The following PRKG1 variants were observed in gnomAD, a reference collection of about 807,000 sequenced individuals.
PRKG1 encodes protein kinase cGMP-dependent 1.
PRKG1 carries 35 observed loss-of-function variants against 88.1 expected under a neutral mutation model. The observed-to-expected ratio is 0.40, with a 90% CI of 0.30 to 0.53. The LOEUF (loss-of-function observed/expected upper bound fraction) is 0.53. PRKG1 is among the 20% of genes least tolerant of loss of function. The pLI is 0.59. For synonymous variants in PRKG1, 303 were observed against 292.5 expected, an observed-to-expected ratio of 1.04 and a Z score of -0.37; for missense variants, 540 against 839.8, an observed-to-expected ratio of 0.64 and a Z score of 4.41.
chr10:51,249,710 A>G (rs10996323), intron 2 of PRKG1, among the ~76,000 whole-genome samples: 13,846 of 151,830 alleles, frequency 0.091, 767 homozygotes, highest in Middle Eastern at 0.15. Context: ...AACAAAGGAC[A>G]CTATACAATT....
intron 3 of PRKG1, among the ~76,000 whole-genome samples, chr10:51,666,652 T>G (rs747476537): frequency 6.6e-6 from 1 of 152,208 alleles, no homozygotes; most frequent in Non-Finnish European, 1.5e-5. Context: ...CTTCATATCA[T>G]AAATCCACCC....
At chr10:51,749,044 A>C (rs1589255313) in intron 3 of PRKG1, among the ~76,000 whole-genome samples, 1 of 152,350 alleles carries the variant, frequency 6.6e-6, no homozygotes, top group East Asian at 1.9e-4. Flanking sequence ...AATAAGCTTT[A>C]ATGAACTTGC....
At chr10:52,280,710 T>C in intron 12 of PRKG1, 79 bp from the exon 13 acceptor site, 1 of 1,489,710 alleles carries the variant, frequency 6.7e-7, no homozygotes, top group African/African-American at 1.4e-5. Flanking sequence ...AGGAATATAG[T>C]GAAATGAGAA....
intron 8 of PRKG1, among the ~76,000 whole-genome samples, chr10:52,156,299 C>T (rs72803147): frequency 3.3e-5 from 5 of 151,994 alleles, no homozygotes; most frequent in Middle Eastern, 6.8e-3. Flanking sequence ...TTTTTATGCA[C>T]GCTATAGCCT....
chr10:52,193,554 A>C (rs1839422966), intron 9 of PRKG1, among the ~76,000 whole-genome samples: 1 of 27,082 alleles, frequency 3.7e-5, no homozygotes, highest in Non-Finnish European at 1.1e-4. Flanking sequence ...GTCTCAAAAA[A>C]AAAAAAAACA....
chr10:51,344,165 TG>T (rs1277948009), intron 2 of PRKG1, among the ~76,000 whole-genome samples: 1 of 152,114 alleles, frequency 6.6e-6, no homozygotes, highest in Non-Finnish European at 1.5e-5. Context: ...TCATGGCTTC[TG>T]GGGAGGCCTC....
At chr10:51,743,730 TAAACTAA>T (rs1221354747) in intron 3 of PRKG1, among the ~76,000 whole-genome samples, 1,400 of 39,462 alleles carry the variant, frequency 0.035, 45 homozygotes, top group Middle Eastern at 0.062. Flanking sequence ...ATATATAATA[TAAACTAA>T]ATATATATAT....
In PRKG1 at chr10:51,675,060, A is replaced by G. The variant is rs1035884577; in HGVS notation, c.593-129525A>G. On this transcript the variant is annotated intron_variant, in intron 3 of 17. Coordinates refer to ENST00000373980, the MANE Select transcript of PRKG1 (RefSeq NM_006258.4). ...CTACTAATATATTTCTGCTTTATGA[A>G]GAGAAGACTGAATGGTTTTCAGTGA... 4.6e-5 allele frequency among the ~76,000 whole-genome samples: 7 copies of G among 152,324 alleles called. No individual in the cohort carries two copies. The East Asian group carries it at 1.2e-3, about 25-fold the overall frequency.
At chr10:51,338,776 C>A (rs1316637326) in intron 2 of PRKG1, among the ~76,000 whole-genome samples, 1 of 152,172 alleles carries the variant, frequency 6.6e-6, no homozygotes, top group Non-Finnish European at 1.5e-5. Flanking sequence ...TTAGATTGTA[C>A]AGTCATAAAT....
Position 52,167,718 on chromosome 10 carries a change from T to C in PRKG1, c.1076+5755T>C, listed in dbSNP as rs76884218. ...AAACTACTTTGTGTCGTGACATTCA[T>C]AGAAAATGAGTACAGTGTTTTGCAC... On this transcript the variant is annotated intron_variant, in intron 9 of 17. Coordinates refer to ENST00000373980, the MANE Select transcript of PRKG1 (RefSeq NM_006258.4). 6.5e-4 allele frequency among the ~76,000 whole-genome samples: 99 copies of C among 152,074 alleles called. No homozygotes were observed. In the East Asian group the frequency reaches 0.019, roughly 29 times the overall value.
chr10:51,865,628 AC>A (rs1172870836), intron 4 of PRKG1, among the ~76,000 whole-genome samples: 56 of 152,210 alleles, frequency 3.7e-4, no homozygotes, highest in African/African-American at 1.3e-3. Flanking sequence ...TTAAGTCTAT[AC>A]ATATATTTTT....
intron 7 of PRKG1, among the ~76,000 whole-genome samples, chr10:52,127,735 A>G (rs1359238263): frequency 1.3e-5 from 2 of 152,050 alleles, no homozygotes; most frequent in African/African-American, 4.8e-5. Flanking sequence ...TTGGTTGATT[A>G]CTCTGTGCAA....
chr10:51,939,765 G>T (rs989876201), intron 5 of PRKG1, among the ~76,000 whole-genome samples: 8 of 150,302 alleles, frequency 5.3e-5, no homozygotes, highest in Non-Finnish European at 8.8e-5. Flanking sequence ...ATATATATTT[G>T]GTAAATGCAA....
In PRKG1 at chr10:51,074,785, G is replaced by C; in HGVS notation, c.195G>C (p.Ala65=). 8.1e-6 allele frequency: 13 copies of C among 1,613,934 alleles called. No individual in the cohort carries two copies. The highest frequency in any genetic ancestry group is 1.1e-5 in the Non-Finnish European group (13 of 1,179,938). Residue 65 remains alanine, a synonymous_variant, in exon 1 of 18, where the codon GCG becomes GCC. Coordinates refer to ENST00000373980, the MANE Select transcript of PRKG1 (RefSeq NM_006258.4). Reference sequence around the variant, plus strand: ...CCCAGCAGGCGCAGAAGCAGAGCGCGAGCACCTTGCAGGGCGAGCCGCGCA... The same window carrying C: ...CCCAGCAGGCGCAGAAGCAGAGCGCCAGCACCTTGCAGGGCGAGCCGCGCA... ...PATQQAQKQS[A]STLQGEPRTK... is the part of the protein sequence containing the mutation.
chr10:51,506,595 C>T (rs1564526971), intron 3 of PRKG1, among the ~76,000 whole-genome samples: 1 of 152,196 alleles, frequency 6.6e-6, no homozygotes, highest in Non-Finnish European at 1.5e-5. Context: ...ATCAAAACCA[C>T]AGTGAGATAC....
chr10:51,144,514 G>T (rs1425506076), intron 1 of PRKG1, among the ~76,000 whole-genome samples: 1 of 152,040 alleles, frequency 6.6e-6, no homozygotes, highest in Non-Finnish European at 1.5e-5. Context: ...AATATTAATA[G>T]TAGTAATACT....
At chr10:51,560,182 T>C (rs887764955) in intron 3 of PRKG1, among the ~76,000 whole-genome samples, 3 of 152,014 alleles carry the variant, frequency 2.0e-5, no homozygotes, top group Admixed American at 2.0e-4. Context: ...TTTTGGTGGG[T>C]AGGTTGTGTT....
chr10:51,923,200 T>G (rs893126970), intron 5 of PRKG1, among the ~76,000 whole-genome samples: 5 of 151,964 alleles, frequency 3.3e-5, no homozygotes, highest in African/African-American at 1.2e-4. Flanking sequence ...TTTTTGGAAA[T>G]TAATATAGCG....
intron 1 of PRKG1, among the ~76,000 whole-genome samples, chr10:51,066,196 C>T (rs1843747776): frequency 6.6e-6 from 1 of 152,092 alleles, no homozygotes; most frequent in African/African-American, 2.4e-5. Flanking sequence ...ATTAATTACT[C>T]ATCAAATGCT....
Sources: gnomAD v4.1 joint callset for allele counts (sites outside exome capture counted in the v4.1 genomes callset) on GRCh38, gnomAD v4.1.1 for gene constraint, MANE v1.5 for transcripts, NCBI Gene and HGNC (gene_info 2026-07-23, HGNC 2026-07-21) for gene names.